The following WNT2B variants were observed in gnomAD, a reference collection of about 807,000 sequenced individuals.
WNT2B encodes protein Wnt-2b.
WNT2B carries 19 observed loss-of-function variants against 40.5 expected under a neutral mutation model. The observed-to-expected ratio is 0.47, with a 90% confidence interval of 0.33 to 0.69. WNT2B has a LOEUF of 0.69. WNT2B is among the 30% of genes least tolerant of loss of function. The probability of loss-of-function intolerance (pLI) is 0.02; values close to 1 mark genes in which losing one functional copy is unlikely to be tolerated. For missense variants in WNT2B, 467 were observed against 556.4 expected (o/e 0.84, Z 1.62); for synonymous variants, 220 against 211.9 (o/e 1.04, Z -0.33).
chr1:112,491,195 G>A (rs969510501), intron 1 of WNT2B: 17 of 1,021,542 alleles, frequency 1.7e-5, no homozygotes, highest in Non-Finnish European at 2.3e-5. Context: ...GGATCACAAG[G>A]GCAAGAGTTC....
chr1:112,498,623 C>T (rs773168942), intron 1 of WNT2B, among the ~76,000 whole-genome samples: 6 of 151,964 alleles, frequency 3.9e-5, no homozygotes, highest in Non-Finnish European at 7.4e-5. Context: ...GGACATAACA[C>T]GGTCAAGTTC....
upstream of WNT2B, among the ~76,000 whole-genome samples, chr1:112,504,826 A>C (rs1476296336): frequency 6.7e-6 from 1 of 149,806 alleles, no homozygotes. Context: ...CATCCACACC[A>C]CCTCCCACCC....
chr1:112,484,205 TTA>T (rs991719120), intron 1 of WNT2B, among the ~76,000 whole-genome samples: 4 of 119,724 alleles, frequency 3.3e-5, no homozygotes, highest in African/African-American at 8.8e-5. Flanking sequence ...TCCAAAAATT[TTA>T]TATATATATA....
chr1:112,514,750 T>C (rs1222731192), intron 1 of WNT2B, 124 bp from the exon 2 acceptor site: 2 of 834,770 alleles, frequency 2.4e-6, no homozygotes, highest in Non-Finnish European at 3.9e-6. Context: ...CTTTATGGAA[T>C]GTGGGTTAGG....
intron 1 of WNT2B, among the ~76,000 whole-genome samples, chr1:112,490,774 C>T (rs928160483): frequency 3.3e-5 from 5 of 152,100 alleles, no homozygotes; most frequent in African/African-American, 9.7e-5. Context: ...CAGGCGTGAG[C>T]CCCCGCGCCC....
chr1:112,491,079 A>C (rs1570774148), intron 1 of WNT2B: 2 of 1,613,778 alleles, frequency 1.2e-6, no homozygotes, highest in Admixed American at 1.7e-5. Flanking sequence ...AGTGTTTGCA[A>C]AGGTACATGA....
At chr1:112,520,214 G>T (rs896604216) in intron 4 of WNT2B, 66 bp from the exon 5 acceptor site, 1 of 1,458,904 alleles carries the variant, frequency 6.9e-7, no homozygotes. Context: ...CTGAGAATGT[G>T]GTTAAGGGTA....
chr1:112,484,272 C>CATATATATATACACATAT (rs145030807), intron 1 of WNT2B, among the ~76,000 whole-genome samples: 4 of 123,282 alleles, frequency 3.2e-5, no homozygotes, highest in African/African-American at 6.6e-5. Context: ...TATATATACA[C>CATATATATATACACATAT]ATATATATAT....
intron 1 of WNT2B, among the ~76,000 whole-genome samples, chr1:112,475,114 A>G (rs1297072592): frequency 6.6e-6 from 1 of 152,216 alleles, no homozygotes; most frequent in African/African-American, 2.4e-5. Context: ...GCAATACAAG[A>G]ATGAACTAAT....
chr1:112,494,521 C>T (rs1476673825), intron 1 of WNT2B, among the ~76,000 whole-genome samples: 1 of 151,374 alleles, frequency 6.6e-6, no homozygotes, highest in Non-Finnish European at 1.5e-5. Context: ...GCACACACCA[C>T]CACACCTGGC....
intron 1 of WNT2B, among the ~76,000 whole-genome samples, chr1:112,494,455 A>T (rs1651706593): frequency 1.3e-5 from 2 of 151,470 alleles, no homozygotes; most frequent in South Asian, 4.1e-4. Context: ...TGCAACCATG[A>T]CCTCCTGGGC....
At chr1:112,492,004 T>A (rs1651619089) in intron 1 of WNT2B, among the ~76,000 whole-genome samples, 1 of 152,062 alleles carries the variant, frequency 6.6e-6, no homozygotes, top group African/African-American at 2.4e-5. Flanking sequence ...AGTAAGATAG[T>A]AACCTGGAAG....
At chr1:112,484,280 T>TACACATATATATACAC (rs746364845) in intron 1 of WNT2B, among the ~76,000 whole-genome samples, 42 of 129,670 alleles carry the variant, frequency 3.2e-4, no homozygotes, top group Middle Eastern at 3.8e-3. Flanking sequence ...CACATATATA[T>TACACATATATATACAC]ATATATATAT....
In WNT2B at chr1:112,514,690, A is replaced by G. The variant is rs4839250; in HGVS notation, c.183-184A>G. 7,104 of 639,540 alleles carry G rather than the reference A, an allele frequency of 0.011. 694 individuals are homozygous for G. In the Admixed American group the frequency reaches 0.17, roughly 15 times the overall value. 39.6% of individuals were successfully genotyped at this position (639,540 alleles called of 1,614,324 possible). A position where few individuals can be genotyped will look rare whatever the true frequency, so the allele number is the denominator to read the frequency against. On this transcript the variant is annotated intron_variant, in intron 1 of 4. Coordinates refer to ENST00000369684, the MANE Select transcript of WNT2B (RefSeq NM_024494.3). Reference sequence around the variant, plus strand: ...ACTCAATTACTCTCTCTGCAACTGTATAACTATTAATACTTCTTCAGAACT... The same window carrying G: ...ACTCAATTACTCTCTCTGCAACTGTGTAACTATTAATACTTCTTCAGAACT...
chr1:112,519,866 A>ATGC (rs1212154603), intron 4 of WNT2B, among the ~76,000 whole-genome samples: 9 of 125,400 alleles, frequency 7.2e-5, no homozygotes, highest in Non-Finnish European at 1.4e-4. Flanking sequence ...GTCAGAGCCC[A>ATGC]TGCTTCTTTT....
In WNT2B at chr1:112,499,844, T is replaced by C. The variant is rs547852538; in HGVS notation, c.-94-15030T>C. Among the ~76,000 whole-genome samples, 14 of 152,284 alleles carry C rather than the reference T, an allele frequency of 9.2e-5. No individual in the cohort carries two copies. The East Asian group carries it at 2.3e-3, about 25-fold the overall frequency. On this transcript the variant is annotated intron_variant, in intron 1 of 4. Transcript: ENST00000256640. ...CATATATTGTTCACTATTCTAGGAG[T>C]TGTAACACTTCTCAGTATGTTCAGG...
intron 1 of WNT2B, among the ~76,000 whole-genome samples, chr1:112,470,607 A>T (rs968112423): frequency 3.9e-5 from 6 of 152,088 alleles, no homozygotes; most frequent in Admixed American, 3.3e-4. Context: ...AATAAATAAT[A>T]AATCATGCTG....
At chr1:112,499,905 A>AT (rs11412510) in intron 1 of WNT2B, among the ~76,000 whole-genome samples, 62,769 of 152,052 alleles carry the variant, frequency 0.41, 14,384 homozygotes, top group South Asian at 0.64. Flanking sequence ...TTGCTAAATA[A>AT]TTGTGCACAG....
Position 112,509,241 on chromosome 1 carries a change from C to A in WNT2B, c.-22C>A, listed in dbSNP as rs1260209659. 2.5e-5 allele frequency: 37 copies of A among 1,501,648 alleles called. No individual in the cohort carries two copies. The highest frequency in any genetic ancestry group is 4.3e-5 in the African/African-American group (3 of 69,186). 93.0% of individuals were successfully genotyped at this position (1,501,648 alleles called of 1,614,324 possible). A position where few individuals can be genotyped will look rare whatever the true frequency, so the allele number is the denominator to read the frequency against. On this transcript the variant is annotated 5_prime_UTR_variant, in exon 1 of 5. Transcript: ENST00000369684. This position sits in a 1 kb window ranked among gnomAD's most constrained non-coding sequence, Gnocchi z 4.2. The stretch of plus-strand genomic sequence containing the variant: ...CCCGTCCACGCCCCTCCGGGCTGCG[C>A]GGCGGGAGTCTTCGGGGAGCTATGC...
Sources: allele counts gnomAD v4.1 joint callset (sites outside exome capture counted in the v4.1 genomes callset), GRCh38; gene constraint gnomAD v4.1.1; non-coding constraint Gnocchi (gnomAD v3.1); transcripts MANE v1.5; gene names NCBI Gene and HGNC (gene_info 2026-07-23, HGNC 2026-07-21).